ADAMTS9: variants seen among roughly 807,000 people sequenced by gnomAD.
ADAMTS9 encodes the protein ADAM metallopeptidase with thrombospondin type 1 motif 9, also known as A disintegrin and metalloproteinase with thrombospondin motifs 9.
Under a neutral mutation model 257.1 loss-of-function variants are expected in ADAMTS9, and 107 were observed. The ratio of observed to expected loss-of-function variants is 0.42; its 90% CI spans 0.36 to 0.49. The LOEUF is 0.49. ADAMTS9 is among the 20% of genes least tolerant of loss of function. The pLI is 0.03. For synonymous variants in ADAMTS9, 982 were observed against 880.9 expected (o/e 1.11, Z -2.03); for missense variants, 2,353 against 2,469.1 (o/e 0.95, Z 1.00).
chr3:64,614,088 A>G (rs2084716506), intron 21 of ADAMTS9, among the ~76,000 whole-genome samples: 2 of 152,220 alleles, frequency 1.3e-5, no homozygotes, highest in Admixed American at 6.5e-5. Context: ...CTACCCAAGG[A>G]TAACCATTAT....
intron 28 of ADAMTS9, among the ~76,000 whole-genome samples, chr3:64,574,348 T>TATC (rs2106710201): frequency 6.6e-6 from 1 of 152,170 alleles, no homozygotes; most frequent in East Asian, 1.9e-4. Flanking sequence ...ATTTTTTTTG[T>TATC]ATCGATAAGG....
chr3:64,620,606 A>G (rs533259370), intron 19 of ADAMTS9, among the ~76,000 whole-genome samples: 22 of 152,306 alleles, frequency 1.4e-4, no homozygotes, highest in African/African-American at 5.1e-4. Context: ...TCTTAAACAC[A>G]GAATTGTTTG....
At chr3:64,545,454 T>C (rs527362552) in intron 32 of ADAMTS9, among the ~76,000 whole-genome samples, 69 of 152,306 alleles carry the variant, frequency 4.5e-4, no homozygotes, top group African/African-American at 1.6e-3. Flanking sequence ...TCATGTCCTT[T>C]GTAGGGACAT....
At chr3:64,586,778 T>A (rs2084165562) in intron 28 of ADAMTS9, 1 of 152,150 alleles carries the variant, frequency 6.6e-6, no homozygotes, top group East Asian at 1.9e-4. Context: ...GGAGAGACAT[T>A]GCCTCAACTC....
chr3:64,602,193 T>A lies in ADAMTS9; in HGVS notation c.3768A>T (p.Gln1256His), dbSNP rs1207283610. ...ACATCACTTGCCGGGTTGCCCTACC[T>A]TGCCCACAGGTCACAGAGCACTAGG... Reference protein sequence around the residue: ...DWSSCSVTCGQGRATRQVMCV... With the variant: ...DWSSCSVTCGHGRATRQVMCV... The change falls in exon 26 of 40, where the codon CAA becomes CAT. Residue 1256 changes from glutamine (Q) to histidine (H), a missense_variant. Physicochemically the swap from Gln to His is conservative, Grantham distance 24. This residue lies in a region of ADAMTS9 where 1,402 missense variants were observed against 1,441.4 expected (regional missense o/e 0.97). Transcript: ENST00000498707. 6.2e-7 allele frequency: 1 copy of A among 1,613,828 alleles called. No individual in the cohort carries two copies. Among genetic ancestry groups the A allele is most frequent in the Non-Finnish European group, 8.5e-7 (1 of 1,179,946 alleles).
At chr3:64,548,377 C>T (rs185340070) in intron 31 of ADAMTS9, among the ~76,000 whole-genome samples, 107 of 152,258 alleles carry the variant, frequency 7.0e-4, no homozygotes, top group Non-Finnish European at 1.3e-4. Context: ...GCCAAGTTGA[C>T]GCCAGGCCAG....
At chr3:64,581,949 C>A (rs1003247470) in intron 28 of ADAMTS9, among the ~76,000 whole-genome samples, 2 of 152,164 alleles carry the variant, frequency 1.3e-5, no homozygotes, top group East Asian at 1.9e-4. Flanking sequence ...CAATAGATTT[C>A]TTCTCCAGTC....
chr3:64,595,950 C>G (rs1486500557), intron 27 of ADAMTS9, among the ~76,000 whole-genome samples: 1 of 152,132 alleles, frequency 6.6e-6, no homozygotes, highest in African/African-American at 2.4e-5. Context: ...TAATTAAACA[C>G]AAAACAATAA....
intron 8 of ADAMTS9, among the ~76,000 whole-genome samples, chr3:64,652,431 G>C (rs1350140509): frequency 6.6e-6 from 1 of 152,172 alleles, no homozygotes; most frequent in Non-Finnish European, 1.5e-5. Context: ...TTGGTTTCCA[G>C]TTCCCTGATG....
intron 30 of ADAMTS9, among the ~76,000 whole-genome samples, chr3:64,558,305 G>A (rs140471939): frequency 1.1e-4 from 16 of 152,200 alleles, no homozygotes; most frequent in Middle Eastern, 6.8e-3. Flanking sequence ...TACCTAAGCC[G>A]CAAGTTGCCC....
At chr3:64,535,422 G>A (rs2083036847) in intron 37 of ADAMTS9, among the ~76,000 whole-genome samples, 1 of 151,986 alleles carries the variant, frequency 6.6e-6, no homozygotes, top group Non-Finnish European at 1.5e-5. Context: ...ATGCTACAGA[G>A]GTTCATGGTT....
chr3:64,522,372 G>A, intron 38 of ADAMTS9, 112 bp from the exon 39 acceptor site: 1 of 892,578 alleles, frequency 1.1e-6, no homozygotes, highest in Non-Finnish European at 1.8e-6. Flanking sequence ...CTTCTGAACT[G>A]ATGTGAAGCC....
At chr3:64,681,785 A>C (rs530876159) in intron 2 of ADAMTS9, among the ~76,000 whole-genome samples, 5 of 152,110 alleles carry the variant, frequency 3.3e-5, no homozygotes, top group African/African-American at 1.2e-4. Context: ...TCAGCCTCCC[A>C]AAGTGTCATA....
chr3:64,559,700 T>C (rs190594597), intron 30 of ADAMTS9, among the ~76,000 whole-genome samples: 48 of 152,366 alleles, frequency 3.2e-4, no homozygotes, highest in Non-Finnish European at 4.9e-4. Context: ...ATATTGTGCA[T>C]GATCAGAGAA....
chr3:64,666,813 A>G (rs780159515), intron 3 of ADAMTS9, among the ~76,000 whole-genome samples: 2 of 152,170 alleles, frequency 1.3e-5, no homozygotes, highest in Non-Finnish European at 2.9e-5. Flanking sequence ...ATCTTTATAA[A>G]TTAGTATATT....
intron 30 of ADAMTS9, among the ~76,000 whole-genome samples, chr3:64,557,902 G>C (rs2083361485): frequency 6.6e-6 from 1 of 152,158 alleles, no homozygotes. Flanking sequence ...ATATCTGAAA[G>C]TCTGGGCTCT....
chr3:64,527,524 A>T (rs2082925330), intron 38 of ADAMTS9, among the ~76,000 whole-genome samples: 1 of 151,062 alleles, frequency 6.6e-6, no homozygotes, highest in African/African-American at 2.4e-5. Flanking sequence ...GATAGTAATG[A>T]ACAGAGATTA....
chr3:64,676,765 T>C (rs1701633925), intron 3 of ADAMTS9, among the ~76,000 whole-genome samples: 1 of 152,178 alleles, frequency 6.6e-6, no homozygotes, highest in Non-Finnish European at 1.5e-5. Context: ...CTTTACACAA[T>C]TGTCTGATTA....
rs763361579 is a variant in ADAMTS9 at position 64,596,922 on chromosome 3, C to T, written c.4087G>A (p.Ala1363Thr). 146 of 1,613,340 alleles carry T rather than the reference C, an allele frequency of 9.0e-5. No homozygotes were observed. The highest frequency in any genetic ancestry group is 3.1e-4 in the East Asian group (14 of 44,818). The change falls in exon 27 of 40, where the codon GCA (alanine) becomes ACA (threonine). Residue 1363 changes from alanine to threonine, a missense_variant. Coordinates refer to ENST00000498707, the MANE Select transcript of ADAMTS9 (RefSeq NM_182920.2). ...VVCQDENGYTANDCVERIKPD... is the reference protein window; with the variant it reads ...VVCQDENGYTTNDCVERIKPD... Reference sequence around the variant, plus strand: ...TTTATTCTCTCCACACAGTCGTTTGCGGTGTATCCATTTTCATCCTGACAT... The same window carrying T: ...TTTATTCTCTCCACACAGTCGTTTGTGGTGTATCCATTTTCATCCTGACAT...
Sources: gnomAD v4.1 joint callset for allele counts (sites outside exome capture counted in the v4.1 genomes callset) on GRCh38, gnomAD v4.1.1 for gene constraint, gnomAD v4.1.1 regional missense constraint, MANE v1.5 for transcripts, NCBI Gene and HGNC (gene_info 2026-07-23, HGNC 2026-07-21) for gene names.